Variants in NGF observed in about 807,000 individuals in gnomAD.
NGF encodes the protein beta-nerve growth factor.
Under a neutral mutation model 12.8 loss-of-function variants are expected in NGF, and 4 were observed. The observed-to-expected ratio is 0.31, with a 90% confidence interval of 0.15 to 0.72. The LOEUF is 0.72. NGF is among the 30% of genes least tolerant of loss of function. NGF has a pLI of 0.69. For missense variants in NGF, 283 were observed against 330.8 expected, an observed-to-expected ratio of 0.86 and a Z score of 1.12; for synonymous variants, 140 against 130.0, an observed-to-expected ratio of 1.08 and a Z score of -0.52.
At chr1:115,299,427 A>T (rs570201371) in intron 1 of NGF, among the ~76,000 whole-genome samples, 39 of 152,278 alleles carry the variant, frequency 2.6e-4, no homozygotes, top group Non-Finnish European at 4.4e-4. Flanking sequence ...GCTATGAATG[A>T]GAGTGGCCTT....
At chr1:115,312,189 G>T (rs1557942392) in intron 1 of NGF, among the ~76,000 whole-genome samples, 1 of 152,130 alleles carries the variant, frequency 6.6e-6, no homozygotes, top group East Asian at 1.9e-4. Context: ...TGGTAAACTA[G>T]AGCTAATGAA....
At chr1:115,319,248 C>T (rs1238059920) in intron 1 of NGF, among the ~76,000 whole-genome samples, 3 of 152,176 alleles carry the variant, frequency 2.0e-5, no homozygotes, top group Non-Finnish European at 4.4e-5. Context: ...GACTGGCCTT[C>T]TTCTTCAAGA....
At chr1:115,290,960 T>C (rs2254527) in intron 2 of NGF, among the ~76,000 whole-genome samples, 122,883 of 152,168 alleles carry the variant, frequency 0.81, 49,913 homozygotes, top group African/African-American at 0.89. Context: ...TCATTTCAGG[T>C]AATTATGAAG....
intron 1 of NGF, among the ~76,000 whole-genome samples, chr1:115,310,885 G>A (rs1252723279): frequency 1.3e-5 from 2 of 152,120 alleles, no homozygotes; most frequent in Non-Finnish European, 1.5e-5. Flanking sequence ...GGGGTCATGG[G>A]AGGAGTAACA....
chr1:115,286,790 G>T lies in NGF; in HGVS notation c.6C>A (p.Ser2=). The part of the protein sequence containing the change: M[S]MLFYTLITAF... ...CTGTGATCAGAGTGTAGAACAACAT[G>T]GACATTACGCTATGCACCTGGAATG... The change falls in exon 3 of 3, where the codon TCC becomes TCA. Residue 2 remains serine, a synonymous_variant. Coordinates refer to ENST00000369512, the MANE Select transcript of NGF (RefSeq NM_002506.3). The T allele has an allele frequency of 3.1e-6, 5 of 1,614,140 alleles. No homozygotes were observed. Among genetic ancestry groups the T allele is most frequent in the Non-Finnish European group, 4.2e-6 (5 of 1,180,048 alleles).
At chr1:115,326,555 C>T (rs1381437190) in intron 1 of NGF, among the ~76,000 whole-genome samples, 1 of 152,190 alleles carries the variant, frequency 6.6e-6, no homozygotes, top group Admixed American at 6.5e-5. Flanking sequence ...TTTCCACATT[C>T]ATGCTTTTTC....
At chr1:115,309,565 T>G (rs1654287997) in intron 1 of NGF, among the ~76,000 whole-genome samples, 1 of 152,160 alleles carries the variant, frequency 6.6e-6, no homozygotes, top group Admixed American at 6.5e-5. Flanking sequence ...CCTAATGCTA[T>G]CCCTCCCCTG....
intron 2 of NGF, among the ~76,000 whole-genome samples, chr1:115,292,185 A>G (rs895103290): frequency 6.6e-6 from 1 of 152,046 alleles, no homozygotes; most frequent in Non-Finnish European, 1.5e-5. Context: ...GTGGCTCCTC[A>G]TTTCTCCAGC....
In NGF at chr1:115,337,290, T is replaced by G. The variant is rs1400546613; in HGVS notation, c.-137+914A>C. On this transcript the variant is annotated intron_variant, in intron 1 of 2. Coordinates refer to ENST00000369512, the MANE Select transcript of NGF (RefSeq NM_002506.3). The stretch of plus-strand genomic sequence containing the variant: ...TTGTTTTTTTTTTTTTTTTTTTTTT[T>G]TTTTTTTTTTTTTTTAGAAGGAGGT... 1.0e-4 allele frequency among the ~76,000 whole-genome samples: 14 copies of G among 135,320 alleles called. 2 individuals carry two copies. Among genetic ancestry groups the G allele is most frequent in the East Asian group, 6.3e-4 (3 of 4,728 alleles). The allele number at this position is 135,320 out of a possible 152,430, so 88.8% of individuals were successfully genotyped here.
chr1:115,327,468 T>C (rs928232369), intron 1 of NGF, among the ~76,000 whole-genome samples: 1 of 152,202 alleles, frequency 6.6e-6, no homozygotes, highest in Non-Finnish European at 1.5e-5. Flanking sequence ...GAGTCTGACC[T>C]CTTCAAAACA....
intron 1 of NGF, among the ~76,000 whole-genome samples, chr1:115,303,455 C>T (rs533366551): frequency 6.6e-6 from 1 of 152,096 alleles, no homozygotes; most frequent in Non-Finnish European, 1.5e-5. Context: ...ACCATCATCA[C>T]CACTACTTTC....
intron 1 of NGF, among the ~76,000 whole-genome samples, chr1:115,294,273 A>G (rs1450174129): frequency 1.3e-5 from 2 of 152,222 alleles, no homozygotes; most frequent in African/African-American, 4.8e-5. Flanking sequence ...GCTCTCACAG[A>G]ATCAGACAGG....
intron 2 of NGF, among the ~76,000 whole-genome samples, chr1:115,290,397 T>C (rs1653654506): frequency 7.7e-6 from 1 of 130,222 alleles, no homozygotes; most frequent in East Asian, 2.1e-4. Flanking sequence ...TTTTTTTTTT[T>C]TTTTTTTTTT....
At chr1:115,304,645 C>T (rs1336486640) in intron 1 of NGF, among the ~76,000 whole-genome samples, 2 of 152,060 alleles carry the variant, frequency 1.3e-5, no homozygotes, top group Non-Finnish European at 2.9e-5. Flanking sequence ...CTTAGGCCTC[C>T]AAAAGAAGGG....
chr1:115,323,021 T>A (rs1369859151), intron 1 of NGF, among the ~76,000 whole-genome samples: 1 of 152,202 alleles, frequency 6.6e-6, no homozygotes, highest in Admixed American at 6.5e-5. Context: ...CTTTTTACAA[T>A]CACTACTTTA....
At chr1:115,314,257 C>G (rs1654412812) in intron 1 of NGF, among the ~76,000 whole-genome samples, 1 of 152,138 alleles carries the variant, frequency 6.6e-6, no homozygotes, top group East Asian at 1.9e-4. Flanking sequence ...TCCAATCGAC[C>G]CTTCTGTTGC....
At chr1:115,289,799 C>A (rs145753205) in intron 2 of NGF, among the ~76,000 whole-genome samples, 3 of 152,174 alleles carry the variant, frequency 2.0e-5, no homozygotes, top group Non-Finnish European at 4.4e-5. Flanking sequence ...CTGGAACCAT[C>A]ATTCATTCAT....
intron 1 of NGF, among the ~76,000 whole-genome samples, chr1:115,302,920 C>T (rs1654084936): frequency 6.6e-6 from 1 of 152,228 alleles, no homozygotes; most frequent in Non-Finnish European, 1.5e-5. Context: ...TGTCATCTCC[C>T]TGTATTGTGT....
chr1:115,333,790 TTTTCTTTCTTTCTTTCTCTTTTTC>T (rs1655025169), intron 1 of NGF, among the ~76,000 whole-genome samples: 1 of 100,802 alleles, frequency 9.9e-6, no homozygotes, highest in Admixed American at 1.0e-4. Context: ...CCTTCCTTTC[TTTTCTTTCTTTCTTTCTCTTTTTC>T]TTTCTTTCTC....
Sources: gnomAD v4.1 joint callset for allele counts (sites outside exome capture counted in the v4.1 genomes callset) on GRCh38, gnomAD v4.1.1 for gene constraint, MANE v1.5 for transcripts, NCBI Gene and HGNC (gene_info 2026-07-23, HGNC 2026-07-21) for gene names.